The following SMIM41 variants were observed in gnomAD, a reference collection of about 807,000 sequenced individuals.
SMIM41 encodes small integral membrane protein 41.
chr12:52,105,004 T>C (rs1308621876), intron 2 of SMIM41, among the ~76,000 whole-genome samples: 1 of 152,258 alleles, frequency 6.6e-6, no homozygotes, highest in African/African-American at 2.4e-5. Flanking sequence ...CAATGCATTT[T>C]CATATAACTT....
intron 2 of SMIM41, among the ~76,000 whole-genome samples, chr12:52,088,243 C>T (rs750726511): frequency 2.6e-5 from 4 of 152,146 alleles, no homozygotes; most frequent in Admixed American, 6.5e-5. Context: ...AGCAGAGTGA[C>T]GGGATGGAAA....
chr12:52,088,934 C>G (rs1939937644), intron 2 of SMIM41, among the ~76,000 whole-genome samples: 1 of 151,984 alleles, frequency 6.6e-6, no homozygotes, highest in African/African-American at 2.4e-5. Flanking sequence ...GCTGTGCCCA[C>G]CCCTCTGCCA....
intron 2 of SMIM41, among the ~76,000 whole-genome samples, chr12:52,100,397 T>C (rs1242061239): frequency 6.6e-6 from 1 of 151,930 alleles, no homozygotes; most frequent in East Asian, 1.9e-4. Flanking sequence ...CTTCCCTGGA[T>C]ATTAGAAAAC....
chr12:52,085,630 A>G (rs1239982537), intron 2 of SMIM41, among the ~76,000 whole-genome samples: 1 of 152,142 alleles, frequency 6.6e-6, no homozygotes, highest in Non-Finnish European at 1.5e-5. Context: ...CTTGGGCCAA[A>G]CCCTGGGGTT....
At chr12:52,088,645 C>T (rs892209898) in intron 2 of SMIM41, among the ~76,000 whole-genome samples, 4 of 152,210 alleles carry the variant, frequency 2.6e-5, no homozygotes, top group African/African-American at 4.8e-5. Context: ...TGTCCCCGGC[C>T]GCCACCTCGC....
intron 2 of SMIM41, among the ~76,000 whole-genome samples, chr12:52,090,101 TGCTCTGTTGCCAAG>T (rs935676312): frequency 6.6e-6 from 1 of 151,580 alleles, no homozygotes; most frequent in African/African-American, 2.4e-5. Context: ...GACAGAGAAT[TGCTCTGTTGCCAAG>T]GCTGAAGTGT....
At chr12:52,096,026 TC>T (rs1374498453) in intron 2 of SMIM41, among the ~76,000 whole-genome samples, 1 of 152,026 alleles carries the variant, frequency 6.6e-6, no homozygotes, top group Non-Finnish European at 1.5e-5. Context: ...TATCAGCCTC[TC>T]CTCTCCATGG....
intron 1 of SMIM41, among the ~76,000 whole-genome samples, chr12:52,080,956 C>T (rs908087458): frequency 5.9e-5 from 9 of 151,910 alleles, no homozygotes; most frequent in Non-Finnish European, 1.0e-4. Context: ...GTGTGGATGG[C>T]AGGGTTCCCC....
At chr12:52,095,882 C>T (rs1035821385) in intron 2 of SMIM41, among the ~76,000 whole-genome samples, 2 of 151,916 alleles carry the variant, frequency 1.3e-5, no homozygotes, top group Non-Finnish European at 2.9e-5. Context: ...TTCTCTTCTT[C>T]TGGATAGTAG....
chr12:52,088,481 C>T (rs549666279), intron 2 of SMIM41, among the ~76,000 whole-genome samples: 1 of 152,272 alleles, frequency 6.6e-6, no homozygotes, highest in African/African-American at 2.4e-5. Context: ...CAGAGCACAC[C>T]CACAGCCAGG....
At chr12:52,086,480 TA>T (rs1939894478) in intron 2 of SMIM41, among the ~76,000 whole-genome samples, 1 of 151,998 alleles carries the variant, frequency 6.6e-6, no homozygotes, top group Admixed American at 6.5e-5. Context: ...AATAAGACAA[TA>T]AAAAAATAAA....
At chr12:52,085,785 A>G (rs1939883828) in intron 2 of SMIM41, among the ~76,000 whole-genome samples, 2 of 152,228 alleles carry the variant, frequency 1.3e-5, no homozygotes, top group Non-Finnish European at 2.9e-5. Context: ...GGTCCAAAGC[A>G]GAGGGCTGTC....
intron 2 of SMIM41, among the ~76,000 whole-genome samples, chr12:52,089,987 G>A (rs547305783): frequency 6.6e-6 from 1 of 152,188 alleles, no homozygotes; most frequent in Non-Finnish European, 1.5e-5. Context: ...AGCAGGGAGG[G>A]TGCATGGAGA....
At chr12:52,104,676 G>GA in intron 2 of SMIM41, among the ~76,000 whole-genome samples, 1 of 151,138 alleles carries the variant, frequency 6.6e-6, no homozygotes, top group South Asian at 2.1e-4. Context: ...TTATGGTCGG[G>GA]GGGGGGCGGT....
chr12:52,100,112 A>AC (rs35361904), intron 2 of SMIM41, among the ~76,000 whole-genome samples: 55,730 of 151,764 alleles, frequency 0.37, 10,779 homozygotes, highest in East Asian at 0.6. Context: ...GAAAAATATC[A>AC]AGCGCGGGTA....
rs1195708227 is a variant in SMIM41 at position 52,080,051 on chromosome 12, A to G, written c.272A>G (p.Asp91Gly). ...AGTGCCAGCGGAGAGGACGGCGACG[A>G]CGACTCCTAGGCGCCCGGCTGCGCT... The part of the protein sequence containing the change: ...PGSASGEDGD[D>G]DS Residue 91 changes from aspartate to glycine, a missense_variant, in exon 1 of 3, where the codon GAC (aspartate) becomes GGC (glycine). Physicochemically the swap from Asp to Gly is moderately conservative, Grantham distance 94. Coordinates refer to ENST00000546390, the MANE Select transcript of SMIM41 (RefSeq NM_001369216.1). 6 of 364,718 alleles carry G rather than the reference A, an allele frequency of 1.6e-5. No individual in the cohort carries two copies. Among genetic ancestry groups the G allele is most frequent in the Non-Finnish European group, 2.9e-5 (6 of 204,260 alleles). 22.6% of individuals were successfully genotyped at this position (364,718 alleles called of 1,614,324 possible).
intron 2 of SMIM41, among the ~76,000 whole-genome samples, chr12:52,100,726 G>GC (rs1297483686): frequency 3.3e-5 from 5 of 150,852 alleles, no homozygotes; most frequent in African/African-American, 1.2e-4. Context: ...ACCCACTTCG[G>GC]CCCCCCAAAG....
chr12:52,101,973 A>AC (rs1940226006), intron 2 of SMIM41, among the ~76,000 whole-genome samples: 1 of 152,176 alleles, frequency 6.6e-6, no homozygotes, highest in South Asian at 2.1e-4. Flanking sequence ...TCGGCCTCCC[A>AC]AAGTGCTGGG....
At position 52,085,462 on chromosome 12, in the gene SMIM41, T is replaced by C. The variant is rs190559829; in HGVS notation, c.*195+1494T>C. 1.9e-3 allele frequency among the ~76,000 whole-genome samples: 285 copies of C among 152,290 alleles called. 6 individuals carry two copies. Among genetic ancestry groups the C allele is most frequent in the Non-Finnish European group, 5.7e-4 (39 of 68,024 alleles). On this transcript the variant is annotated intron_variant, in intron 2 of 2. Transcript: ENST00000546390. ...CATGTTTTGTTAGGATGAAGTGAGA[T>C]CCACACATTTAGGGTGCTTGGCACA...
Sources: gnomAD v4.1 joint callset for allele counts (sites outside exome capture counted in the v4.1 genomes callset) on GRCh38, gnomAD v4.1.1 for gene constraint, MANE v1.5 for transcripts, NCBI Gene and HGNC (gene_info 2026-07-23, HGNC 2026-07-21) for gene names.